The following CACHD1 variants were observed in gnomAD, a reference collection of about 807,000 sequenced individuals.
The protein encoded by CACHD1 is cache domain containing 1, also known as VWFA and cache domain-containing protein 1.
CACHD1 carries 71 observed loss-of-function variants against 138.7 expected under a neutral mutation model. That is an observed-to-expected ratio of 0.51 (90% CI 0.42 to 0.62). The LOEUF is 0.62. CACHD1 is among the 20% of genes least tolerant of loss of function. CACHD1 has a pLI of 0.00. For missense variants in CACHD1, 1,389 were observed against 1,625.3 expected, an observed-to-expected ratio of 0.85 and a Z score of 2.50; for synonymous variants, 578 against 591.5, an observed-to-expected ratio of 0.98 and a Z score of 0.33.
intron 1 of CACHD1, among the ~76,000 whole-genome samples, chr1:64,515,740 C>G (rs1298162836): frequency 6.6e-6 from 1 of 152,120 alleles, no homozygotes; most frequent in African/African-American, 2.4e-5. Flanking sequence ...TTATCTGACA[C>G]TATTTGGGGA....
chr1:64,485,900 A>G (rs954323389), intron 1 of CACHD1, among the ~76,000 whole-genome samples: 1 of 152,298 alleles, frequency 6.6e-6, no homozygotes, highest in Non-Finnish European at 1.5e-5. Flanking sequence ...TTACTGTGCC[A>G]TATGTTAAGT....
rs5774716 is a variant in CACHD1, at chr1:64,636,109, C to CA, written c.1006+1864dup. Among the ~76,000 whole-genome samples the CA allele has an allele frequency of 7.2e-3, 986 of 137,066 alleles. 9 individuals carry two copies. Among genetic ancestry groups the CA allele is most frequent in the African/African-American group, 0.026 (924 of 34,964 alleles). 89.9% of individuals were successfully genotyped at this position (137,066 alleles called of 152,430 possible). The stretch of plus-strand genomic sequence containing the variant: ...CTGGTGACGGAGCGAGACTCAGTCT[C>CA]AAAAAAAAAAAAAAATCTGTTTATA... On this transcript the variant is annotated intron_variant, in intron 7 of 26. Transcript: ENST00000651257.
At chr1:64,583,996 TG>T (rs887574066) in intron 3 of CACHD1, among the ~76,000 whole-genome samples, 2 of 152,166 alleles carry the variant, frequency 1.3e-5, no homozygotes, top group African/African-American at 4.8e-5. Context: ...TCTTTTATAG[TG>T]GGGCACCTGT....
intron 1 of CACHD1, among the ~76,000 whole-genome samples, chr1:64,549,432 A>G (rs1646742248): frequency 6.6e-6 from 1 of 152,152 alleles, no homozygotes; most frequent in Non-Finnish European, 1.5e-5. Flanking sequence ...ATGATTTGTA[A>G]TAATTTTCCA....
chr1:64,560,358 C>A (rs1197094619), intron 2 of CACHD1, among the ~76,000 whole-genome samples: 1 of 151,696 alleles, frequency 6.6e-6, no homozygotes, highest in African/African-American at 2.4e-5. Context: ...ATAAACGTTT[C>A]TCTTAGTACA....
chr1:64,594,085 C>G (rs1342880556), intron 3 of CACHD1, among the ~76,000 whole-genome samples: 2 of 152,016 alleles, frequency 1.3e-5, no homozygotes, highest in Non-Finnish European at 2.9e-5. Flanking sequence ...GAAACCCCAT[C>G]TCTACAAAAA....
rs537047971 is a variant in CACHD1 at position 64,479,696 on chromosome 1, T to C, written c.198+8754T>C. 4.6e-5 allele frequency among the ~76,000 whole-genome samples: 7 copies of C among 152,172 alleles called. No homozygotes were observed. The South Asian group carries it at 1.5e-3, about 32-fold the overall frequency. Reference sequence around the variant, plus strand: ...CCCTATGCGGTTGAAGTGTCTGGGGTAGATCTTTGGGCAGGACTGGATTGG... The same window carrying C: ...CCCTATGCGGTTGAAGTGTCTGGGGCAGATCTTTGGGCAGGACTGGATTGG... On this transcript the variant is annotated intron_variant, in intron 1 of 26. Coordinates refer to ENST00000651257, the MANE Select transcript of CACHD1 (RefSeq NM_020925.4).
intron 3 of CACHD1, among the ~76,000 whole-genome samples, chr1:64,587,092 T>C (rs1029433382): frequency 6.6e-6 from 1 of 152,234 alleles, no homozygotes; most frequent in African/African-American, 2.4e-5. Flanking sequence ...CTGGGCCTTA[T>C]GAACATTTTT....
In CACHD1 at chr1:64,647,856, T is replaced by C. The variant is rs370637302; in HGVS notation, c.1212T>C (p.Asn404=). Reference sequence around the variant, plus strand: ...TTCTGAGGGATCTAGCTGAACAGAATTCAGGGAAGTACGGTGTGCCAGACC... The same window carrying C: ...TTCTGAGGGATCTAGCTGAACAGAACTCAGGGAAGTACGGTGTGCCAGACC... ...LAFLRDLAEQ[N]SGKYGVPDRM... The change falls in exon 9 of 27, where the codon AAT becomes AAC. Residue 404 remains asparagine, a synonymous_variant. Transcript: ENST00000651257. The C allele has an allele frequency of 1.9e-6, 3 of 1,614,052 alleles. No homozygotes were observed. In the African/African-American group the frequency reaches 4.0e-5, roughly 22 times the overall value.
chr1:64,582,414 G>T, intron 3 of CACHD1, 110 bp downstream of exon 3: 1 of 961,868 alleles, frequency 1.0e-6, no homozygotes. Flanking sequence ...TGTGTAGCTT[G>T]TTTCCCACTA....
Position 64,470,702 on chromosome 1 carries a change from C to T in CACHD1, c.-43C>T, listed in dbSNP as rs1042424446. The T allele has an allele frequency of 6.2e-6, 3 of 486,518 alleles. No homozygotes were observed. Among genetic ancestry groups the T allele is most frequent in the Admixed American group, 4.4e-5 (1 of 22,800 alleles). 30.1% of individuals were successfully genotyped at this position (486,518 alleles called of 1,614,324 possible). Reference sequence around the variant, plus strand: ...GGGGGGCACCTCCCGCGGCCCGCTTCCCCGCGCCCGGAGCCCGTCGGCGGG... The same window carrying T: ...GGGGGGCACCTCCCGCGGCCCGCTTTCCCGCGCCCGGAGCCCGTCGGCGGG... On this transcript the variant is annotated 5_prime_UTR_variant, in exon 1 of 27. Transcript: ENST00000651257. This position sits in a 1 kb window ranked among gnomAD's most constrained non-coding sequence, Gnocchi z 5.2.
In CACHD1 at chr1:64,652,154, C is replaced by G. The variant is rs761878050; in HGVS notation, c.1391-7C>G. ...GTCTTTAGATTTATTTTGTTTTTAA[C>G]CCATAGGTTTGATAATGACTGTGAG... On this transcript the variant is annotated splice_polypyrimidine_tract_variant and splice_region_variant and intron_variant, in intron 9 of 26. Transcript: ENST00000651257. 1 of 1,600,984 alleles carries G rather than the reference C, an allele frequency of 6.2e-7. No individual in the cohort carries two copies. Among genetic ancestry groups the G allele is most frequent in the South Asian group, 1.1e-5 (1 of 88,616 alleles).
At chr1:64,505,874 G>A (rs993752625) in intron 1 of CACHD1, 1 of 24,052 alleles carries the variant, frequency 4.2e-5, no homozygotes, top group Non-Finnish European at 9.6e-5. Flanking sequence ...GCCCCGCCCC[G>A]CCGGGTCCCC....
Position 64,576,943 on chromosome 1 carries a change from T to A in CACHD1, c.262-5213T>A, listed in dbSNP as rs556404884. ...TTAGAATTCTTTATAACAAATTTGATCATATCCCCACCTCTTTCTTGGGAG... is the reference window on the plus strand; with the variant it reads ...TTAGAATTCTTTATAACAAATTTGAACATATCCCCACCTCTTTCTTGGGAG... On this transcript the variant is annotated intron_variant, in intron 2 of 26. Coordinates refer to ENST00000651257, the MANE Select transcript of CACHD1 (RefSeq NM_020925.4). 7.3e-5 allele frequency among the ~76,000 whole-genome samples: 11 copies of A among 151,558 alleles called. No individual in the cohort carries two copies. In the South Asian group the frequency reaches 2.3e-3, roughly 32 times the overall value.
intron 1 of CACHD1, among the ~76,000 whole-genome samples, chr1:64,530,973 T>C (rs1186217316): frequency 5.0e-5 from 7 of 139,596 alleles, no homozygotes; most frequent in Non-Finnish European, 1.6e-5. Flanking sequence ...TTCTCACAAG[T>C]ACTTATTTCC....
At chr1:64,620,158 C>T (rs1413370804) in intron 4 of CACHD1, among the ~76,000 whole-genome samples, 2 of 151,950 alleles carry the variant, frequency 1.3e-5, no homozygotes, top group African/African-American at 2.4e-5. Flanking sequence ...GCATCATAGG[C>T]CTTCAATGTT....
chr1:64,625,407 A>C lies in CACHD1; in HGVS notation c.518-3948A>C, dbSNP rs1570428445. Among the ~76,000 whole-genome samples the C allele has an allele frequency of 3.3e-5, 5 of 152,268 alleles. 1 individual carries two copies. ...TTTGGGAGGCCAAGGCAGGCGGATC[A>C]CTTGAAGTCGGGAGTTCAAGACCAG... On this transcript the variant is annotated intron_variant, in intron 4 of 26. Coordinates refer to ENST00000651257, the MANE Select transcript of CACHD1 (RefSeq NM_020925.4).
At chr1:64,513,768 C>T (rs1421215778) in intron 1 of CACHD1, among the ~76,000 whole-genome samples, 1 of 152,176 alleles carries the variant, frequency 6.6e-6, no homozygotes, top group Non-Finnish European at 1.5e-5. Context: ...CTAAAAGAAA[C>T]AGTTGCTGTT....
intron 1 of CACHD1, among the ~76,000 whole-genome samples, chr1:64,479,636 CACTCA>C (rs1646197586): frequency 6.6e-6 from 1 of 152,158 alleles, no homozygotes; most frequent in Non-Finnish European, 1.5e-5. Context: ...GGCAGCAGAA[CACTCA>C]ACTCACACTG....
Sources: allele counts gnomAD v4.1 joint callset (sites outside exome capture counted in the v4.1 genomes callset), GRCh38; gene constraint gnomAD v4.1.1; non-coding constraint Gnocchi (gnomAD v3.1); transcripts MANE v1.5; gene names NCBI Gene and HGNC (gene_info 2026-07-23, HGNC 2026-07-21).